PTPRR: variants seen among roughly 807,000 people sequenced by gnomAD.
The protein encoded by PTPRR is protein tyrosine phosphatase receptor type R.
Under a neutral mutation model 77.2 loss-of-function variants are expected in PTPRR, and 38 were observed. The observed-to-expected ratio is 0.49, with a 90% confidence interval of 0.38 to 0.65. The LOEUF (loss-of-function observed/expected upper bound fraction) is 0.65, where lower values mean the gene tolerates loss of function less well. PTPRR is among the 30% of genes least tolerant of loss of function. PTPRR has a pLI of 0.00. For synonymous variants in PTPRR, 299 were observed against 283.1 expected (o/e 1.06, Z -0.57); for missense variants, 744 against 799.2 (o/e 0.93, Z 0.83).
chr12:70,758,852 A>G (rs1040022), intron 4 of PTPRR, among the ~76,000 whole-genome samples: 68,650 of 152,004 alleles, frequency 0.45, 16,832 homozygotes, highest in African/African-American at 0.62. Flanking sequence ...TTGAGAACAA[A>G]CATCATTTAT....
intron 10 of PTPRR, among the ~76,000 whole-genome samples, chr12:70,676,913 T>C (rs368063417): frequency 1.8e-4 from 27 of 151,854 alleles, no homozygotes; most frequent in African/African-American, 6.5e-4. Context: ...CTTTTGTCGC[T>C]TCATACAAAT....
At position 70,878,359 on chromosome 12, in the gene PTPRR, AG is replaced by A. The variant is rs574540540; in HGVS notation, c.357+14319del. Among the ~76,000 whole-genome samples, 13 of 152,324 alleles carry A rather than the reference AG, an allele frequency of 8.5e-5. No individual in the cohort carries two copies. In the East Asian group the frequency reaches 2.5e-3, roughly 29 times the overall value. ...CTTTTGCAAGCTGCTCACCTGACAA[AG>A]GGCTAATATCCAGAATCTACAATGA... On this transcript the variant is annotated intron_variant, in intron 2 of 13. Transcript: ENST00000283228.
At chr12:70,875,383 T>C (rs2137096959) in intron 2 of PTPRR, among the ~76,000 whole-genome samples, 1 of 152,282 alleles carries the variant, frequency 6.6e-6, no homozygotes, top group East Asian at 1.9e-4. Flanking sequence ...AGAATACATA[T>C]ACATATTGGG....
chr12:70,912,355 T>C (rs1045441419), intron 1 of PTPRR, among the ~76,000 whole-genome samples: 1 of 152,170 alleles, frequency 6.6e-6, no homozygotes, highest in Non-Finnish European at 1.5e-5. Context: ...AGTGAATCAC[T>C]GTGAGATGCT....
At chr12:70,702,614 AATCT>A (rs1888468636) in intron 6 of PTPRR, among the ~76,000 whole-genome samples, 1 of 152,150 alleles carries the variant, frequency 6.6e-6, no homozygotes, top group African/African-American at 2.4e-5. Context: ...CATTAACGAA[AATCT>A]ATCAGTTTTC....
chr12:70,754,812 C>T (rs1592735278), intron 4 of PTPRR: 7 of 1,058,556 alleles, frequency 6.6e-6, no homozygotes, highest in African/African-American at 1.7e-5. Context: ...TTAATCACAT[C>T]TTTTTTTTTT....
chr12:70,766,062 G>GA (rs1289559247), intron 2 of PTPRR, among the ~76,000 whole-genome samples: 1 of 152,084 alleles, frequency 6.6e-6, no homozygotes, highest in African/African-American at 2.4e-5. Flanking sequence ...CAAAGATGGG[G>GA]AAAAAACAGA....
In PTPRR at chr12:70,668,639, T is replaced by C. The variant is rs148712064; in HGVS notation, c.1498-6034A>G. ...CTTACCAGAATAATTTATTTTCTCC[T>C]CAAACATATAGTTTAATAAAGTCCA... On this transcript the variant is annotated intron_variant, in intron 10 of 13. Coordinates refer to ENST00000283228, the MANE Select transcript of PTPRR (RefSeq NM_002849.4). Among the ~76,000 whole-genome samples the C allele has an allele frequency of 3.0e-3, 451 of 152,294 alleles. 1 individual carries two copies. Among genetic ancestry groups the C allele is most frequent in the Non-Finnish European group, 5.1e-3 (347 of 68,000 alleles).
intron 2 of PTPRR, among the ~76,000 whole-genome samples, chr12:70,767,423 A>G (rs547485904): frequency 4.0e-5 from 6 of 151,160 alleles, no homozygotes; most frequent in African/African-American, 7.3e-5. Flanking sequence ...AAAGGCGGCC[A>G]TTACATAATG....
chr12:70,701,815 A>T (rs1888437400), intron 6 of PTPRR, among the ~76,000 whole-genome samples: 1 of 151,928 alleles, frequency 6.6e-6, no homozygotes. Flanking sequence ...TCTACAAAAC[A>T]TACAAAAAGT....
At chr12:70,867,258 TTG>T (rs1387085946) in intron 2 of PTPRR, among the ~76,000 whole-genome samples, 3 of 152,212 alleles carry the variant, frequency 2.0e-5, no homozygotes, top group African/African-American at 7.2e-5. Flanking sequence ...TTGTCCCTGT[TTG>T]TAGATGACAT....
At chr12:70,658,050 G>A (rs1465951616) in intron 12 of PTPRR, among the ~76,000 whole-genome samples, 1 of 152,130 alleles carries the variant, frequency 6.6e-6, no homozygotes, top group Non-Finnish European at 1.5e-5. Flanking sequence ...ATAGCATAAT[G>A]TCTAACCTCC....
rs576797808 is a variant in PTPRR at position 70,653,578 on chromosome 12, T to A, written c.1880+3126A>T. Among the ~76,000 whole-genome samples the A allele has an allele frequency of 3.3e-5, 5 of 152,324 alleles. No homozygotes were observed. In the South Asian group the frequency reaches 1.0e-3, roughly 32 times the overall value. ...TGAAGTCCTGTGAGTTATACATTAC[T>A]ATTTCCAGTTTACAGGCACATGTTA... On this transcript the variant is annotated intron_variant, in intron 13 of 13. Transcript: ENST00000283228.
chr12:70,860,116 G>C (rs1221786081), intron 2 of PTPRR, among the ~76,000 whole-genome samples: 2 of 151,958 alleles, frequency 1.3e-5, no homozygotes, highest in Non-Finnish European at 2.9e-5. Context: ...CTGGCAAAAG[G>C]ATACAGTGAC....
At chr12:70,695,717 T>C (rs921422482) in intron 8 of PTPRR, among the ~76,000 whole-genome samples, 1 of 152,174 alleles carries the variant, frequency 6.6e-6, no homozygotes, top group Non-Finnish European at 1.5e-5. Context: ...TTATGTTTGG[T>C]ATATTTTAGA....
chr12:70,807,437 T>C (rs1352997615), intron 2 of PTPRR, among the ~76,000 whole-genome samples: 1 of 152,214 alleles, frequency 6.6e-6, no homozygotes, highest in African/African-American at 2.4e-5. Context: ...CTTGAACTTA[T>C]TCCTCTTCAC....
chr12:70,649,466 TG>T (rs1208782853), intron 13 of PTPRR, among the ~76,000 whole-genome samples: 7 of 152,328 alleles, frequency 4.6e-5, no homozygotes, highest in Admixed American at 3.3e-4. Context: ...GGAAGGCCTG[TG>T]AAGCTCGTAT....
chr12:70,649,474 G>A (rs10879175), intron 13 of PTPRR, among the ~76,000 whole-genome samples: 37,032 of 152,116 alleles, frequency 0.24, 6,439 homozygotes, highest in African/African-American at 0.48. Context: ...TGTGAAGCTC[G>A]TATTCTGCCG....
chr12:70,910,338 A>G (rs779204911), intron 1 of PTPRR, among the ~76,000 whole-genome samples: 27 of 152,198 alleles, frequency 1.8e-4, no homozygotes, highest in Non-Finnish European at 3.7e-4. Context: ...TTTTTATTGT[A>G]CTACATGAGT....
Sources: gnomAD v4.1 joint callset for allele counts (sites outside exome capture counted in the v4.1 genomes callset) on GRCh38, gnomAD v4.1.1 for gene constraint, MANE v1.5 for transcripts, NCBI Gene and HGNC (gene_info 2026-07-23, HGNC 2026-07-21) for gene names.